DPP6: variants seen among roughly 807,000 people sequenced by gnomAD.
DPP6 encodes A-type potassium channel modulatory protein DPP6.
DPP6 carries 69 observed loss-of-function variants against 122.6 expected under a neutral mutation model. The ratio of observed to expected loss-of-function variants is 0.56; its 90% CI spans 0.46 to 0.69. DPP6 has a LOEUF of 0.69. Among genes scored for constraint, DPP6 ranks in the 30% least tolerant of loss-of-function variants. The probability of loss-of-function intolerance (pLI) is 0.00; values close to 1 mark genes in which losing one functional copy is unlikely to be tolerated. For synonymous variants in DPP6, 418 were observed against 433.1 expected (o/e 0.97, Z 0.43); for missense variants, 928 against 1,116.9 (o/e 0.83, Z 2.41).
chr7:154,817,311 C>T (rs565796497), intron 16 of DPP6, among the ~76,000 whole-genome samples: 8 of 152,248 alleles, frequency 5.3e-5, no homozygotes, highest in African/African-American at 1.7e-4. Context: ...CAGGAAAGAA[C>T]ATCATGAGTG....
At chr7:153,987,483 C>G (rs939127747) in intron 1 of DPP6, among the ~76,000 whole-genome samples, 1 of 152,220 alleles carries the variant, frequency 6.6e-6, no homozygotes, top group African/African-American at 2.4e-5. Context: ...GATTCTCAAT[C>G]TGGTCTGCAG....
chr7:154,728,445 A>G (rs1842176274), intron 8 of DPP6, among the ~76,000 whole-genome samples: 1 of 152,238 alleles, frequency 6.6e-6, no homozygotes, highest in South Asian at 2.1e-4. Context: ...ACATTATTAA[A>G]TAACTAGAAG....
At chr7:154,354,640 T>A (rs1811128350) in intron 1 of DPP6, among the ~76,000 whole-genome samples, 6 of 152,218 alleles carry the variant, frequency 3.9e-5, no homozygotes, top group Admixed American at 3.9e-4. Flanking sequence ...ATAAATAGAA[T>A]CATGCAATAC....
intron 1 of DPP6, among the ~76,000 whole-genome samples, chr7:154,199,773 C>A (rs1379223322): frequency 2.6e-5 from 4 of 152,186 alleles, no homozygotes; most frequent in East Asian, 1.9e-4. Context: ...CCATGCCCAG[C>A]TTTTTTGTGC....
At position 153,965,807 on chromosome 7, in the gene DPP6, A is replaced by G. The variant is rs1795679191; in HGVS notation, c.51+78073A>G. On this transcript the variant is annotated intron_variant, in intron 1 of 25. Transcript: ENST00000404039. ...AGATCTCCCATGCACCATTTCCATCATATTTTTGTTACTCTGAGTGGTAAC... is the reference window on the plus strand; with the variant it reads ...AGATCTCCCATGCACCATTTCCATCGTATTTTTGTTACTCTGAGTGGTAAC... 3.9e-5 allele frequency among the ~76,000 whole-genome samples: 6 copies of G among 152,094 alleles called. No individual in the cohort carries two copies. In the South Asian group the frequency reaches 1.2e-3, roughly 32 times the overall value.
intron 1 of DPP6, among the ~76,000 whole-genome samples, chr7:154,060,410 G>T (rs572893844): frequency 8.5e-6 from 1 of 117,210 alleles, no homozygotes; most frequent in Non-Finnish European, 1.8e-5. Flanking sequence ...CCATCGCAGA[G>T]GGGGGAGGCA....
At chr7:154,019,799 C>A (rs2533825) in intron 1 of DPP6, among the ~76,000 whole-genome samples, 1 of 152,128 alleles carries the variant, frequency 6.6e-6, no homozygotes, top group African/African-American at 2.4e-5. Context: ...ATGCCCCAAC[C>A]TTTGTAAAAT....
chr7:154,308,285 G>T (rs1182816478), intron 1 of DPP6, among the ~76,000 whole-genome samples: 1 of 148,670 alleles, frequency 6.7e-6, no homozygotes. Context: ...ATTAGTTAGA[G>T]ATTGTTGTTT....
At chr7:154,596,090 T>A in intron 5 of DPP6, among the ~76,000 whole-genome samples, 1 of 152,208 alleles carries the variant, frequency 6.6e-6, no homozygotes, top group South Asian at 2.1e-4. Flanking sequence ...TCACAGGTTC[T>A]GACATTCAGT....
intron 1 of DPP6, among the ~76,000 whole-genome samples, chr7:154,267,297 CAAT>C (rs1471966778): frequency 2.2e-4 from 32 of 147,628 alleles, no homozygotes; most frequent in Admixed American, 2.1e-3. Context: ...TGTAAATATA[CAAT>C]AATTCACAAT....
intron 16 of DPP6, among the ~76,000 whole-genome samples, chr7:154,812,649 G>A (rs975437149): frequency 6.6e-6 from 1 of 152,084 alleles, no homozygotes; most frequent in African/African-American, 2.4e-5. Context: ...ACCTCTCAAA[G>A]GCCCCACCTC....
chr7:153,938,009 C>T (rs1449734109), intron 1 of DPP6, among the ~76,000 whole-genome samples: 1 of 152,182 alleles, frequency 6.6e-6, no homozygotes, highest in Non-Finnish European at 1.5e-5. Flanking sequence ...TCCTAGTTCT[C>T]TCTTAGTAAG....
chr7:154,250,094 C>G (rs984610989), intron 1 of DPP6, among the ~76,000 whole-genome samples: 2 of 152,060 alleles, frequency 1.3e-5, no homozygotes, highest in African/African-American at 4.8e-5. Context: ...ATGCAGCCCC[C>G]AGTCACATAC....
intron 3 of DPP6, among the ~76,000 whole-genome samples, chr7:154,510,969 CACAGAG>C (rs1429561323): frequency 5.9e-5 from 7 of 118,902 alleles, no homozygotes; most frequent in African/African-American, 2.1e-4. Flanking sequence ...CACACACACA[CACAGAG>C]AGAGAGAGAG....
chr7:154,344,781 G>A (rs1010382744), intron 1 of DPP6, among the ~76,000 whole-genome samples: 13 of 152,188 alleles, frequency 8.5e-5, no homozygotes, highest in Admixed American at 7.2e-4. Context: ...CCAACTACTC[G>A]GGAGGCTGAG....
intron 1 of DPP6, among the ~76,000 whole-genome samples, chr7:153,949,575 C>T (rs1252234124): frequency 1.3e-5 from 2 of 152,208 alleles, no homozygotes; most frequent in Non-Finnish European, 2.9e-5. Context: ...GAATCATGAA[C>T]TTGTTTTGTG....
chr7:154,458,558 T>C (rs2151311501), intron 2 of DPP6, among the ~76,000 whole-genome samples: 1 of 152,324 alleles, frequency 6.6e-6, no homozygotes, highest in East Asian at 1.9e-4. Flanking sequence ...GTGAAGCTGA[T>C]TTTAGACTTC....
chr7:154,491,521 C>T (rs936463726), intron 3 of DPP6, among the ~76,000 whole-genome samples: 17 of 152,292 alleles, frequency 1.1e-4, no homozygotes, highest in African/African-American at 3.6e-4. Context: ...TTGTTCTCTT[C>T]CCATCATCTT....
intron 1 of DPP6, among the ~76,000 whole-genome samples, chr7:153,993,198 A>G (rs547415112): frequency 6.6e-6 from 1 of 152,298 alleles, no homozygotes; most frequent in South Asian, 2.1e-4. Flanking sequence ...ATCAGTGTCT[A>G]TATCAGGGCC....
Sources: gnomAD v4.1 joint callset for allele counts (sites outside exome capture counted in the v4.1 genomes callset) on GRCh38, gnomAD v4.1.1 for gene constraint, MANE v1.5 for transcripts, NCBI Gene and HGNC (gene_info 2026-07-23, HGNC 2026-07-21) for gene names.